Variants in CACNB2 observed in about 807,000 individuals in gnomAD.
CACNB2 encodes calcium voltage-gated channel auxiliary subunit beta 2, also known as voltage-dependent L-type calcium channel subunit beta-2.
CACNB2 carries 42 observed loss-of-function variants against 73.3 expected under a neutral mutation model. The observed-to-expected ratio is 0.57, with a 90% CI of 0.45 to 0.74. CACNB2 has a LOEUF of 0.74. Ranked by LOEUF, CACNB2 falls within the 30% of genes least tolerant of loss-of-function variation. CACNB2 has a pLI of 0.00. For synonymous variants in CACNB2, 348 were observed against 310.3 expected, an observed-to-expected ratio of 1.12 and a Z score of -1.28; for missense variants, 940 against 853.0, an observed-to-expected ratio of 1.10 and a Z score of -1.27.
At chr10:18,371,209 G>GTTT (rs78205139) in intron 2 of CACNB2, among the ~76,000 whole-genome samples, 8 of 151,256 alleles carry the variant, frequency 5.3e-5, no homozygotes, top group African/African-American at 1.7e-4. Flanking sequence ...TTTTTATTTT[G>GTTT]TTTTTTTTAA....
chr10:18,404,638 A>G (rs1223421615), intron 3 of CACNB2, among the ~76,000 whole-genome samples: 1 of 152,222 alleles, frequency 6.6e-6, no homozygotes, highest in Non-Finnish European at 1.5e-5. Context: ...CATGTAATAA[A>G]TAAGTCTGTG....
chr10:18,261,073 G>A, intron 2 of CACNB2: 7 of 1,409,222 alleles, frequency 5.0e-6, no homozygotes, highest in South Asian at 4.5e-5. Context: ...GACAAACAGG[G>A]GAGAACAAAG....
At chr10:18,472,382 G>T (rs562364564) in intron 3 of CACNB2, among the ~76,000 whole-genome samples, 1 of 151,664 alleles carries the variant, frequency 6.6e-6, no homozygotes, top group East Asian at 1.9e-4. Flanking sequence ...GACTACAGGT[G>T]CACGCCACCA....
chr10:18,188,475 G>C, intron 2 of CACNB2, among the ~76,000 whole-genome samples: 1 of 152,132 alleles, frequency 6.6e-6, no homozygotes, highest in South Asian at 2.1e-4. Flanking sequence ...AACATGCCTG[G>C]CTATTTTTTT....
intron 2 of CACNB2, among the ~76,000 whole-genome samples, chr10:18,158,471 C>G (rs1356225462): frequency 6.6e-6 from 1 of 152,048 alleles, no homozygotes; most frequent in Non-Finnish European, 1.5e-5. Context: ...ATTATTGCAG[C>G]TATTGAGGTT....
Position 18,457,990 on chromosome 10 carries a change from G to A in CACNB2, c.334-40365G>A, listed in dbSNP as rs1167688131. Among the ~76,000 whole-genome samples the A allele has an allele frequency of 2.6e-5, 4 of 152,244 alleles. No homozygotes were observed. The East Asian group carries it at 7.7e-4, about 29-fold the overall frequency. Reference sequence around the variant, plus strand: ...GTATTTGTTCTCAACACAGCTAATTGTTTTAGATAATTACCAGCCTTGGAC... The same window carrying A: ...GTATTTGTTCTCAACACAGCTAATTATTTTAGATAATTACCAGCCTTGGAC... On this transcript the variant is annotated intron_variant, in intron 3 of 13. Coordinates refer to ENST00000324631, the MANE Select transcript of CACNB2 (RefSeq NM_201596.3).
At chr10:18,512,085 T>C (rs7898513) in intron 6 of CACNB2, among the ~76,000 whole-genome samples, 44,339 of 152,176 alleles carry the variant, frequency 0.29, 6,840 homozygotes, top group African/African-American at 0.36. Flanking sequence ...AGTGAGATTA[T>C]GCATCTTTTT....
rs114613438 is a variant in CACNB2 at position 18,466,874 on chromosome 10, G to T, written c.334-31481G>T. Among the ~76,000 whole-genome samples the T allele has an allele frequency of 9.9e-3, 1,505 of 152,296 alleles. 39 individuals carry two copies. Among genetic ancestry groups the T allele is most frequent in the African/African-American group, 0.034 (1,400 of 41,556 alleles). The stretch of plus-strand genomic sequence containing the variant: ...TAATGTTTTCAGTGGAATAGGATGA[G>T]GCTGGGTGTGGTTCTCACACCTGTA... On this transcript the variant is annotated intron_variant, in intron 3 of 13. Coordinates refer to ENST00000324631, the MANE Select transcript of CACNB2 (RefSeq NM_201596.3).
chr10:18,165,850 CAT>C (rs1264999835), intron 2 of CACNB2, among the ~76,000 whole-genome samples: 3 of 152,150 alleles, frequency 2.0e-5, no homozygotes, highest in East Asian at 1.9e-4. Context: ...ACAAATGCCA[CAT>C]GTCTTTTCAT....
Position 18,228,435 on chromosome 10 carries a change from A to AAAAAAAAAAAG in CACNB2, c.213+77470_213+77471insGAAAAAAAAAA, listed in dbSNP as rs2036089897. Among the ~76,000 whole-genome samples, 9 of 141,114 alleles carry AAAAAAAAAAAG rather than the reference A, an allele frequency of 6.4e-5. 1 individual carries two copies. In the South Asian group the frequency reaches 1.7e-3, roughly 27 times the overall value. 92.6% of individuals were successfully genotyped at this position (141,114 alleles called of 152,430 possible). A position where few individuals can be genotyped will look rare whatever the true frequency, so the allele number is the denominator to read the frequency against. On this transcript the variant is annotated intron_variant, in intron 2 of 13. Transcript: ENST00000324631. ...GCAACAAGAGCAAAACTCTACCTCAAAAAAAAAAAAAAAAGAAAAAAAAAA... is the reference window on the plus strand; with the variant it reads ...GCAACAAGAGCAAAACTCTACCTCAAAAAAAAAAAAGAAAAAAAAAAAAAAGAAAAAAAAAA...
intron 3 of CACNB2, among the ~76,000 whole-genome samples, chr10:18,480,600 C>A (rs192503544): frequency 6.1e-4 from 93 of 152,292 alleles, no homozygotes; most frequent in Admixed American, 1.2e-3. Flanking sequence ...TAATGAATTA[C>A]AAAAGAAATG....
chr10:18,518,848 G>C (rs2051541043), intron 8 of CACNB2, 62 bp from the exon 9 acceptor site: 3 of 1,431,910 alleles, frequency 2.1e-6, no homozygotes, highest in Non-Finnish European at 3.0e-6. Flanking sequence ...AAGTAAAATT[G>C]TTTTATCATC....
chr10:18,471,238 G>A (rs2048172813), intron 3 of CACNB2, among the ~76,000 whole-genome samples: 3 of 152,068 alleles, frequency 2.0e-5, no homozygotes, highest in South Asian at 2.1e-4. Context: ...CCCAGGAGGC[G>A]GAGGTTGCAT....
chr10:18,287,240 A>G (rs1440874497), intron 2 of CACNB2, among the ~76,000 whole-genome samples: 1 of 152,116 alleles, frequency 6.6e-6, no homozygotes, highest in Non-Finnish European at 1.5e-5. Flanking sequence ...GAGGCACGAG[A>G]ATCACTTAAA....
chr10:18,234,934 G>T (rs1428069163), intron 2 of CACNB2, among the ~76,000 whole-genome samples: 1 of 151,930 alleles, frequency 6.6e-6, no homozygotes, highest in Non-Finnish European at 1.5e-5. Flanking sequence ...ACGAGGTCAG[G>T]AGATCGAGAC....
intron 1 of CACNB2, chr10:18,141,090 C>T: frequency 1.9e-6 from 3 of 1,548,734 alleles, no homozygotes; most frequent in Non-Finnish European, 2.6e-6. Flanking sequence ...TGGGGAAGGG[C>T]GGGGGAGACC....
intron 2 of CACNB2, among the ~76,000 whole-genome samples, chr10:18,171,528 A>G (rs1269786014): frequency 1.7e-4 from 19 of 110,114 alleles, no homozygotes; most frequent in African/African-American, 7.4e-4. Context: ...GCAGAAAAAA[A>G]AAAAAAAAAA....
chr10:18,457,686 T>C (rs1589415518), intron 3 of CACNB2, among the ~76,000 whole-genome samples: 1 of 150,864 alleles, frequency 6.6e-6, no homozygotes, highest in Admixed American at 6.6e-5. Flanking sequence ...AGGTCAGGAG[T>C]TCAAGACCAG....
At chr10:18,466,214 T>A (rs1207466089) in intron 3 of CACNB2, among the ~76,000 whole-genome samples, 1 of 152,080 alleles carries the variant, frequency 6.6e-6, no homozygotes, top group Non-Finnish European at 1.5e-5. Flanking sequence ...AAAGCTGGAG[T>A]TCGTCTTTTG....
Sources: allele counts gnomAD v4.1 joint callset (sites outside exome capture counted in the v4.1 genomes callset), GRCh38; gene constraint gnomAD v4.1.1; transcripts MANE v1.5; gene names NCBI Gene and HGNC (gene_info 2026-07-23, HGNC 2026-07-21).